Variants in NRM observed in about 807,000 individuals in gnomAD.
NRM encodes the protein nuclear rim protein.
NRM carries 19 observed loss-of-function variants against 23.4 expected under a neutral mutation model. The observed-to-expected ratio is 0.81, with a 90% CI of 0.57 to 1.19. The LOEUF (loss-of-function observed/expected upper bound fraction) is 1.19, where lower values mean the gene tolerates loss of function less well. NRM is among the 50% of genes most tolerant of loss of function. NRM has a pLI of 0.00. For missense variants in NRM, 232 were observed against 329.7 expected (o/e 0.70, Z 2.30); for synonymous variants, 140 against 143.5 (o/e 0.98, Z 0.17).
chr6:30,689,975 C>A lies in NRM; in HGVS notation c.330+72G>T, dbSNP rs1771422686. On this transcript the variant is annotated intron_variant, in intron 2 of 3. Coordinates refer to ENST00000376421, the MANE Select transcript of NRM (RefSeq NM_001384369.1). This position sits in a 1 kb window ranked among gnomAD's most constrained non-coding sequence, Gnocchi z 4.7. Reference sequence around the variant, plus strand: ...ATTTTGCCCCTCCAATCCACGGCACCCCTCCCACACTTGGTCTCCCTTGGG... The same window carrying A: ...ATTTTGCCCCTCCAATCCACGGCACACCTCCCACACTTGGTCTCCCTTGGG... The A allele has an allele frequency of 1.3e-6, 2 of 1,503,142 alleles. No homozygotes were observed. Among genetic ancestry groups the A allele is most frequent in the Non-Finnish European group, 1.8e-6 (2 of 1,119,012 alleles). The allele number at this position is 1,503,142 out of a possible 1,614,324, so 93.1% of individuals were successfully genotyped here. A position where few individuals can be genotyped will look rare whatever the true frequency, so the allele number is the denominator to read the frequency against.
Position 30,688,891 on chromosome 6 carries a change from G to A in NRM, c.559C>T (p.Arg187Trp), listed in dbSNP as rs779778105. 20 of 1,613,628 alleles carry A rather than the reference G, an allele frequency of 1.2e-5. No homozygotes were observed. Among genetic ancestry groups the A allele is most frequent in the East Asian group, 4.5e-5 (2 of 44,874 alleles). Residue 187 changes from arginine to tryptophan, a missense_variant, in exon 4 of 4, where the codon CGG (arginine) becomes TGG (tryptophan). By Grantham distance (101) the Arg-to-Trp change is moderately radical (BLOSUM62 -3). Coordinates refer to ENST00000376421, the MANE Select transcript of NRM (RefSeq NM_001384369.1). This position sits in a 1 kb window ranked among gnomAD's most constrained non-coding sequence, Gnocchi z 5.9. ...LGEPLALKSP[R>W]ALRLFSHLRH... is the part of the protein sequence containing the mutation. ...AGGTGGGAGAAGAGTCTGAGAGCCCGGGGAGACTTCAGGGCCAGAGGCTCG... is the reference window on the plus strand; with the variant it reads ...AGGTGGGAGAAGAGTCTGAGAGCCCAGGGAGACTTCAGGGCCAGAGGCTCG...
chr6:30,690,077 C>G lies in NRM; in HGVS notation c.300G>C (p.Leu100=), dbSNP rs1176316697. Residue 100 remains leucine (L), a synonymous_variant, in exon 2 of 4, where the codon CTG becomes CTC. Coordinates refer to ENST00000376421, the MANE Select transcript of NRM (RefSeq NM_001384369.1). The surrounding 1 kb of genome is among the most constrained non-coding windows in gnomAD (Gnocchi z 5.5). ...SRYFGVLQRS[L]YVACTALALQ... ...AGGCCAGGGCAGTGCAGGCCACATA[C>G]AGTGACCTCTGAAGGACCCCAAAGT... is the stretch of plus-strand genomic sequence containing the variant. The G allele has an allele frequency of 6.2e-7, 1 of 1,612,408 alleles. No individual in the cohort carries two copies. The highest frequency in any genetic ancestry group is 1.1e-5 in the South Asian group (1 of 90,992).
chr6:30,690,283 C>T lies in NRM; in HGVS notation c.134-40G>A. Reference sequence around the variant, plus strand: ...GGGAAAAAGAGACAAAAGATCGAAACAGTGGCAGAATGTTTCCCCCACCCT... The same window carrying T: ...GGGAAAAAGAGACAAAAGATCGAAATAGTGGCAGAATGTTTCCCCCACCCT... On this transcript the variant is annotated intron_variant, in intron 1 of 3. Transcript: ENST00000376421. The surrounding 1 kb of genome is among the most constrained non-coding windows in gnomAD (Gnocchi z 5.5). 1 of 1,526,538 alleles carries T rather than the reference C, an allele frequency of 6.6e-7. No homozygotes were observed. Among genetic ancestry groups the T allele is most frequent in the Non-Finnish European group, 8.8e-7 (1 of 1,137,074 alleles). 94.6% of individuals were successfully genotyped at this position (1,526,538 alleles called of 1,614,324 possible).
chr6:30,691,021 C>A, upstream of NRM: 1 of 1,550,234 alleles, frequency 6.5e-7, no homozygotes. Flanking sequence ...GGGATTCCCG[C>A]TGCCACAGGC....
Position 30,690,127 on chromosome 6 carries a change from T to C in NRM, c.250A>G (p.Arg84Gly), listed in dbSNP as rs1365567052. 1.9e-6 allele frequency: 3 copies of C among 1,612,858 alleles called. No individual in the cohort carries two copies. The highest frequency in any genetic ancestry group is 2.5e-6 in the Non-Finnish European group (3 of 1,179,990). Reference sequence around the variant, plus strand: ...TACCGGGATGTCCATGCCTTCACTCTTTCAGCTGCCATGAGGCTGTGCTGC... The same window carrying C: ...TACCGGGATGTCCATGCCTTCACTCCTTCAGCTGCCATGAGGCTGTGCTGC... The part of the protein sequence containing the change: ...VGQHSLMAAE[R>G]VKAWTSRYFG... Residue 84 changes from arginine to glycine, a missense_variant, in exon 2 of 4, where the codon AGA becomes GGA. Transcript: ENST00000376421. The surrounding 1 kb of genome is among the most constrained non-coding windows in gnomAD (Gnocchi z 5.5).
chr6:30,688,251 G>A lies in NRM; in HGVS notation c.*410C>T. On this transcript the variant is annotated 3_prime_UTR_variant, in exon 4 of 4. Transcript: ENST00000376421. This position sits in a 1 kb window ranked among gnomAD's most constrained non-coding sequence, Gnocchi z 5.9. Reference sequence around the variant, plus strand: ...GCCTGGAGGGACAGCTATGACCGTTGAACTTGCAGACCCTGGTCCACCTTC... The same window carrying A: ...GCCTGGAGGGACAGCTATGACCGTTAAACTTGCAGACCCTGGTCCACCTTC... 9.4e-6 allele frequency: 2 copies of A among 212,714 alleles called. No individual in the cohort carries two copies. Among genetic ancestry groups the A allele is most frequent in the South Asian group, 7.7e-5 (1 of 12,982 alleles). The allele number at this position is 212,714 out of a possible 1,614,324, so 13.2% of individuals were successfully genotyped here. A position where few individuals can be genotyped will look rare whatever the true frequency, so the allele number is the denominator to read the frequency against.
rs1771540516 is a variant in NRM, at chr6:30,690,753, C to G, written c.133+89G>C. On this transcript the variant is annotated intron_variant, in intron 1 of 3. Transcript: ENST00000376421. The surrounding 1 kb of genome is among the most constrained non-coding windows in gnomAD (Gnocchi z 5.5). ...TCGAGTTCCCTCTCTTGGACTTCCC[C>G]TGTCATTTGTTTCCAAGCCCCGCCC... 1 of 1,611,632 alleles carries G rather than the reference C, an allele frequency of 6.2e-7. No individual in the cohort carries two copies. Among genetic ancestry groups the G allele is most frequent in the Non-Finnish European group, 8.5e-7 (1 of 1,179,310 alleles).
Position 30,690,304 on chromosome 6 carries a change from A to C in NRM, c.134-61T>G. On this transcript the variant is annotated intron_variant, in intron 1 of 3. Transcript: ENST00000376421. This position sits in a 1 kb window ranked among gnomAD's most constrained non-coding sequence, Gnocchi z 5.5. Reference sequence around the variant, plus strand: ...GAAACAGTGGCAGAATGTTTCCCCCACCCTCATCTCCTCTTGGATCCCCAG... The same window carrying C: ...GAAACAGTGGCAGAATGTTTCCCCCCCCCTCATCTCCTCTTGGATCCCCAG... 1 of 1,399,472 alleles carries C rather than the reference A, an allele frequency of 7.1e-7. No homozygotes were observed. Among genetic ancestry groups the C allele is most frequent in the Non-Finnish European group, 9.7e-7 (1 of 1,034,834 alleles). The allele number at this position is 1,399,472 out of a possible 1,614,324, so 86.7% of individuals were successfully genotyped here.
rs115646402 is a variant in NRM at position 30,690,299 on chromosome 6, C to T, written c.134-56G>A. On this transcript the variant is annotated intron_variant, in intron 1 of 3. Coordinates refer to ENST00000376421, the MANE Select transcript of NRM (RefSeq NM_001384369.1). The surrounding 1 kb of genome is among the most constrained non-coding windows in gnomAD (Gnocchi z 5.5). The stretch of plus-strand genomic sequence containing the variant: ...AGATCGAAACAGTGGCAGAATGTTT[C>T]CCCCACCCTCATCTCCTCTTGGATC... The T allele has an allele frequency of 0.016, 22,896 of 1,436,102 alleles. 311 individuals are homozygous for T. Among genetic ancestry groups the T allele is most frequent in the South Asian group, 0.053 (3,905 of 73,984 alleles). The allele number at this position is 1,436,102 out of a possible 1,614,324, so 89.0% of individuals were successfully genotyped here. A position where few individuals can be genotyped will look rare whatever the true frequency, so the allele number is the denominator to read the frequency against.
At position 30,688,311 on chromosome 6, in the gene NRM, CT is replaced by C. The variant is rs1302857849; in HGVS notation, c.*349del. 3.2e-6 allele frequency: 1 copy of C among 309,334 alleles called. No homozygotes were observed. The highest frequency in any genetic ancestry group is 2.1e-5 in the African/African-American group (1 of 46,864). The allele number at this position is 309,334 out of a possible 1,614,324, so 19.2% of individuals were successfully genotyped here. A position where few individuals can be genotyped will look rare whatever the true frequency, so the allele number is the denominator to read the frequency against. On this transcript the variant is annotated 3_prime_UTR_variant, in exon 4 of 4. Coordinates refer to ENST00000376421, the MANE Select transcript of NRM (RefSeq NM_001384369.1). The surrounding 1 kb of genome is among the most constrained non-coding windows in gnomAD (Gnocchi z 5.9). Reference sequence around the variant, plus strand: ...AAGCCAGCGGTGCAGAAGGGGACCCCTGAGGCGCAGAGGCAAGTAACAGTGC... The same window carrying C: ...AAGCCAGCGGTGCAGAAGGGGACCCCGAGGCGCAGAGGCAAGTAACAGTGC...
chr6:30,689,007 C>A lies in NRM; in HGVS notation c.508-65G>T. The stretch of plus-strand genomic sequence containing the variant: ...TTTTCTCATCTTGGGCACTTCTTTC[C>A]TCCTCTTCCAGGCACCACCCTTCTA... On this transcript the variant is annotated intron_variant, in intron 3 of 3. Coordinates refer to ENST00000376421, the MANE Select transcript of NRM (RefSeq NM_001384369.1). This position sits in a 1 kb window ranked among gnomAD's most constrained non-coding sequence, Gnocchi z 4.7. 6.6e-7 allele frequency: 1 copy of A among 1,511,552 alleles called. No homozygotes were observed. Among genetic ancestry groups the A allele is most frequent in the Non-Finnish European group, 8.9e-7 (1 of 1,123,974 alleles). The allele number at this position is 1,511,552 out of a possible 1,614,324, so 93.6% of individuals were successfully genotyped here. A position where few individuals can be genotyped will look rare whatever the true frequency, so the allele number is the denominator to read the frequency against.
upstream of NRM, chr6:30,691,155 T>G: frequency 1.6e-6 from 1 of 615,442 alleles, no homozygotes; most frequent in Non-Finnish European, 2.8e-6. Context: ...CGTCCTGGGA[T>G]GCGTGTCCCG....
rs1221112245 is a variant in NRM, at chr6:30,688,945, A to T, written c.508-3T>A. 6.2e-7 allele frequency: 1 copy of T among 1,609,078 alleles called. No individual in the cohort carries two copies. The highest frequency in any genetic ancestry group is 2.2e-5 in the East Asian group (1 of 44,762). ...AGCCCCAGCACATGGTAGTATACCTAAGAGAGGGAGAAGAGCTTAGAAATG... is the reference window on the plus strand; with the variant it reads ...AGCCCCAGCACATGGTAGTATACCTTAGAGAGGGAGAAGAGCTTAGAAATG... On this transcript the variant is annotated splice_region_variant and splice_polypyrimidine_tract_variant and intron_variant, in intron 3 of 3. Coordinates refer to ENST00000376421, the MANE Select transcript of NRM (RefSeq NM_001384369.1). This position sits in a 1 kb window ranked among gnomAD's most constrained non-coding sequence, Gnocchi z 5.9.
chr6:30,690,195 G>C lies in NRM; in HGVS notation c.182C>G (p.Ala61Gly), dbSNP rs1015398814. 2 of 1,610,556 alleles carry C rather than the reference G, an allele frequency of 1.2e-6. No individual in the cohort carries two copies. The highest frequency in any genetic ancestry group is 1.7e-6 in the Non-Finnish European group (2 of 1,179,236). ...LAALQDRSIL[A>G]PLAWDLGLLL... ...GAGCCCCAGATCCCATGCCAGGGGG[G>C]CAAGGATGCTGCGGTCCTGCAGGGC... The change falls in exon 2 of 4, where the codon GCC becomes GGC. Residue 61 changes from alanine (A) to glycine (G), a missense_variant. Physicochemically the swap from Ala to Gly is moderately conservative, Grantham distance 60. Transcript: ENST00000376421. The surrounding 1 kb of genome is among the most constrained non-coding windows in gnomAD (Gnocchi z 5.5).
In NRM at chr6:30,690,790, C is replaced by T; in HGVS notation, c.133+52G>A. 6.2e-7 allele frequency: 1 copy of T among 1,612,746 alleles called. No individual in the cohort carries two copies. Among genetic ancestry groups the T allele is most frequent in the South Asian group, 1.1e-5 (1 of 91,052 alleles). ...TCCAAGCCCCGCCCTCAATCCCTCT[C>T]CTACGGCTCCACCTTCCTCCTCCCA... On this transcript the variant is annotated intron_variant, in intron 1 of 3. Coordinates refer to ENST00000376421, the MANE Select transcript of NRM (RefSeq NM_001384369.1). The surrounding 1 kb of genome is among the most constrained non-coding windows in gnomAD (Gnocchi z 5.5).
Position 30,689,554 on chromosome 6 carries a change from TC to T in NRM, c.331-103del. The T allele has an allele frequency of 2.6e-6, 3 of 1,143,670 alleles. No homozygotes were observed. The highest frequency in any genetic ancestry group is 3.6e-6 in the Non-Finnish European group (3 of 822,436). The allele number at this position is 1,143,670 out of a possible 1,614,324, so 70.8% of individuals were successfully genotyped here. On this transcript the variant is annotated intron_variant, in intron 2 of 3. Coordinates refer to ENST00000376421, the MANE Select transcript of NRM (RefSeq NM_001384369.1). The surrounding 1 kb of genome is among the most constrained non-coding windows in gnomAD (Gnocchi z 4.7). ...CCCACCACAGGCTAGCCTGCAACTCTCCCCCACCTCTCTCCTAAGCATCACC... is the reference window on the plus strand; with the variant it reads ...CCCACCACAGGCTAGCCTGCAACTCTCCCCACCTCTCTCCTAAGCATCACC...
upstream of NRM, chr6:30,691,026 A>G: frequency 6.5e-7 from 1 of 1,544,612 alleles, no homozygotes; most frequent in Non-Finnish European, 8.7e-7. Flanking sequence ...TCCCGCTGCC[A>G]CAGGCCCCGC....
At chr6:30,691,209 G>C, upstream of NRM, 1 of 520,262 alleles carries the variant, frequency 1.9e-6, no homozygotes. Flanking sequence ...AGAATCCCGA[G>C]AGAGAGCTGT....
Position 30,688,675 on chromosome 6 carries a change from C to G in NRM, c.775G>C (p.Gly259Arg). 1 of 1,613,764 alleles carries G rather than the reference C, an allele frequency of 6.2e-7. No individual in the cohort carries two copies. Residue 259 changes from glycine (G) to arginine (R), a missense_variant, in exon 4 of 4, where the codon GGG becomes CGG. Transcript: ENST00000376421. This position sits in a 1 kb window ranked among gnomAD's most constrained non-coding sequence, Gnocchi z 5.9. Reference protein sequence around the residue: ...KLHLLSRPQDGEAE With the variant: ...KLHLLSRPQDREAE ...GAGTGAGCTCCTCACTCTGCCTCCC[C>G]ATCCTGGGGCCGAGAGAGCAGGTGG...
Sources: allele counts gnomAD v4.1 joint callset, GRCh38; gene constraint gnomAD v4.1.1; non-coding constraint Gnocchi (gnomAD v3.1); transcripts MANE v1.5; gene names NCBI Gene and HGNC (gene_info 2026-07-23, HGNC 2026-07-21).